RAB31: variants seen among roughly 807,000 people sequenced by gnomAD.
The protein encoded by RAB31 is ras-related protein Rab-31.
A neutral mutation model predicts 25.6 loss-of-function variants in RAB31; 21 were observed. That is an observed-to-expected ratio of 0.82 (90% CI 0.58 to 1.18). The LOEUF (loss-of-function observed/expected upper bound fraction) is 1.18. RAB31 is among the 50% of genes most tolerant of loss of function. The pLI, the probability that RAB31 is intolerant of heterozygous loss-of-function variation, is 0.00. For missense variants in RAB31, 196 were observed against 250.1 expected, an observed-to-expected ratio of 0.78 and a Z score of 1.46; for synonymous variants, 87 against 84.0, an observed-to-expected ratio of 1.04 and a Z score of -0.20.
chr18:9,773,350 A>G (rs552229688), intron 1 of RAB31, among the ~76,000 whole-genome samples: 4 of 152,276 alleles, frequency 2.6e-5, no homozygotes, highest in Non-Finnish European at 1.5e-5. Context: ...TTGGCTTTCA[A>G]ATTTATACCT....
chr18:9,758,975 G>A (rs1332462598), intron 1 of RAB31, among the ~76,000 whole-genome samples: 1 of 152,086 alleles, frequency 6.6e-6, no homozygotes, highest in Non-Finnish European at 1.5e-5. Flanking sequence ...AAGTAGGGCA[G>A]TAGAAGATTA....
At chr18:9,801,027 C>G (rs981682874) in intron 3 of RAB31, among the ~76,000 whole-genome samples, 6 of 152,320 alleles carry the variant, frequency 3.9e-5, no homozygotes, top group African/African-American at 1.4e-4. Flanking sequence ...TTTGCCTAAT[C>G]TGGACATTTC....
chr18:9,749,081 A>T (rs78255891), intron 1 of RAB31, among the ~76,000 whole-genome samples: 2,583 of 152,256 alleles, frequency 0.017, 90 homozygotes, highest in African/African-American at 0.059. Context: ...TGACATAATT[A>T]AAAAAATAGA....
intron 2 of RAB31, among the ~76,000 whole-genome samples, chr18:9,783,181 C>T (rs1267128394): frequency 6.6e-6 from 1 of 152,130 alleles, no homozygotes; most frequent in Non-Finnish European, 1.5e-5. Flanking sequence ...TATCCATTTC[C>T]CTATATGTCC....
intron 1 of RAB31, among the ~76,000 whole-genome samples, chr18:9,734,552 AG>A (rs2068140897): frequency 6.6e-6 from 1 of 152,086 alleles, no homozygotes; most frequent in African/African-American, 2.4e-5. Flanking sequence ...GCAGGTGTGG[AG>A]GGGTGAATTG....
chr18:9,712,042 G>A (rs1222126186), intron 1 of RAB31, among the ~76,000 whole-genome samples: 1 of 152,326 alleles, frequency 6.6e-6, no homozygotes, highest in Non-Finnish European at 1.5e-5. Flanking sequence ...TGACGTTAGA[G>A]TCATTTGCAG....
At chr18:9,789,915 G>T (rs1237891451) in intron 2 of RAB31, among the ~76,000 whole-genome samples, 1 of 152,130 alleles carries the variant, frequency 6.6e-6, no homozygotes, top group African/African-American at 2.4e-5. Context: ...TTAGCCTTTG[G>T]TTTTTGTGGG....
intron 5 of RAB31, among the ~76,000 whole-genome samples, chr18:9,844,215 G>T (rs1002095519): frequency 6.6e-6 from 1 of 152,158 alleles, no homozygotes; most frequent in Admixed American, 6.5e-5. Flanking sequence ...TCTGGGTATA[G>T]ACAGACATGG....
At chr18:9,724,633 T>C (rs987287234) in intron 1 of RAB31, among the ~76,000 whole-genome samples, 5 of 152,218 alleles carry the variant, frequency 3.3e-5, no homozygotes, top group African/African-American at 1.2e-4. Flanking sequence ...TCAGGAATGA[T>C]TGAGAAGGAT....
At chr18:9,830,780 C>T (rs2068674139) in intron 5 of RAB31, among the ~76,000 whole-genome samples, 1 of 151,964 alleles carries the variant, frequency 6.6e-6, no homozygotes, top group African/African-American at 2.4e-5. Flanking sequence ...GAAGTTATTC[C>T]CCTAATATTA....
chr18:9,716,356 A>G (rs1188099641), intron 1 of RAB31, among the ~76,000 whole-genome samples: 1 of 151,910 alleles, frequency 6.6e-6, no homozygotes, highest in African/African-American at 2.4e-5. Context: ...TTTCCCACTT[A>G]TCTCTGTGGC....
chr18:9,799,480 G>A (rs2068503288), intron 3 of RAB31, among the ~76,000 whole-genome samples: 2 of 152,116 alleles, frequency 1.3e-5, no homozygotes, highest in African/African-American at 4.8e-5. Flanking sequence ...ATATAAGAGA[G>A]TATTCATTCT....
chr18:9,718,922 C>A (rs546622285), intron 1 of RAB31, among the ~76,000 whole-genome samples: 32 of 152,104 alleles, frequency 2.1e-4, no homozygotes, highest in African/African-American at 7.5e-4. Context: ...TTTCAACATA[C>A]AAATTTTGGG....
Position 9,832,587 on chromosome 18 carries a change from G to A in RAB31, c.381-12995G>A, listed in dbSNP as rs560752638. Reference sequence around the variant, plus strand: ...CAGGGGCAGGAGTGGAACGGGCCGCGAATGTCGGAGTGAAGTGCAGACCTT... The same window carrying A: ...CAGGGGCAGGAGTGGAACGGGCCGCAAATGTCGGAGTGAAGTGCAGACCTT... On this transcript the variant is annotated intron_variant, in intron 5 of 6. Transcript: ENST00000578921. Among the ~76,000 whole-genome samples, 75 of 152,328 alleles carry A rather than the reference G, an allele frequency of 4.9e-4. No homozygotes were observed. The South Asian group carries it at 0.015, about 30-fold the overall frequency.
intron 1 of RAB31, among the ~76,000 whole-genome samples, chr18:9,736,104 C>T (rs6506686): frequency 0.94 from 143,311 of 152,020 alleles, 67,654 homozygotes; most frequent in African/African-American, 0.98. Flanking sequence ...CCTGAGTAGC[C>T]GGGATCACAG....
intron 1 of RAB31, among the ~76,000 whole-genome samples, chr18:9,764,336 G>A (rs11664921): frequency 0.089 from 13,563 of 152,236 alleles, 677 homozygotes; most frequent in South Asian, 0.19. Flanking sequence ...CTGACTGCAC[G>A]TACGGTGAAT....
intron 1 of RAB31, among the ~76,000 whole-genome samples, chr18:9,734,180 T>A (rs1414076697): frequency 6.6e-6 from 1 of 152,014 alleles, no homozygotes; most frequent in Non-Finnish European, 1.5e-5. Flanking sequence ...AGAGCTAGTA[T>A]CTATCGCACT....
chr18:9,739,940 T>C (rs969804411), intron 1 of RAB31, among the ~76,000 whole-genome samples: 3 of 152,228 alleles, frequency 2.0e-5, no homozygotes, highest in Non-Finnish European at 4.4e-5. Context: ...CTCCTAAGCA[T>C]CTTTTATTTT....
chr18:9,718,131 A>G lies in RAB31; in HGVS notation c.39+9687A>G, dbSNP rs1328977157. On this transcript the variant is annotated intron_variant, in intron 1 of 6. Transcript: ENST00000578921. Reference sequence around the variant, plus strand: ...AGGCTGGTCTTGAACTCCTGGGCTCAAGTGATCCACCTGCCTCAGCCTCCC... The same window carrying G: ...AGGCTGGTCTTGAACTCCTGGGCTCGAGTGATCCACCTGCCTCAGCCTCCC... Among the ~76,000 whole-genome samples, 6 of 152,238 alleles carry G rather than the reference A, an allele frequency of 3.9e-5. No individual in the cohort carries two copies. In the East Asian group the frequency reaches 1.2e-3, roughly 29 times the overall value.
Sources: gnomAD v4.1 joint callset for allele counts (sites outside exome capture counted in the v4.1 genomes callset) on GRCh38, gnomAD v4.1.1 for gene constraint, MANE v1.5 for transcripts, NCBI Gene and HGNC (gene_info 2026-07-23, HGNC 2026-07-21) for gene names.